Variants in NR6A1 observed in about 807,000 individuals in gnomAD.
NR6A1 encodes nuclear receptor subfamily 6 group A member 1, also known as retinoic acid receptor-related testis-associated receptor.
A neutral mutation model predicts 59.1 loss-of-function variants in NR6A1; 7 were observed. The ratio of observed to expected loss-of-function variants is 0.12; its 90% confidence interval spans 0.07 to 0.22. The LOEUF (loss-of-function observed/expected upper bound fraction) is 0.22, where lower values mean the gene tolerates loss of function less well. NR6A1 is among the 10% of genes least tolerant of loss of function. The pLI, the probability that NR6A1 is intolerant of heterozygous loss-of-function variation, is 1.00. For missense variants in NR6A1, 468 were observed against 611.6 expected (o/e 0.77, Z 2.48); for synonymous variants, 243 against 236.1 (o/e 1.03, Z -0.27).
chr9:124,523,763 G>GA (rs974445748), intron 9 of NR6A1, among the ~76,000 whole-genome samples: 17 of 150,468 alleles, frequency 1.1e-4, no homozygotes, highest in African/African-American at 2.7e-4. Flanking sequence ...CCAAGAAATA[G>GA]AAAAAAAAAT....
intron 2 of NR6A1, among the ~76,000 whole-genome samples, chr9:124,649,892 A>G (rs1837048108): frequency 6.6e-6 from 1 of 152,196 alleles, no homozygotes; most frequent in Non-Finnish European, 1.5e-5. Context: ...AATCAAAACT[A>G]CAAGATATTA....
chr9:124,539,946 C>T, intron 5 of NR6A1, 87 bp downstream of exon 5: 1 of 1,434,078 alleles, frequency 7.0e-7, no homozygotes, highest in Admixed American at 2.1e-5. Flanking sequence ...GACAGCCTGG[C>T]AGGGATACTC....
At chr9:124,756,360 T>G (rs977369645) in intron 1 of NR6A1, among the ~76,000 whole-genome samples, 14 of 152,366 alleles carry the variant, frequency 9.2e-5, no homozygotes, top group African/African-American at 3.4e-4. Context: ...AATTACAAGT[T>G]TCTGATCACC....
chr9:124,694,762 G>A (rs1006789977), intron 2 of NR6A1, among the ~76,000 whole-genome samples: 2 of 152,160 alleles, frequency 1.3e-5, no homozygotes, highest in Non-Finnish European at 2.9e-5. Context: ...GAAGAGTCTT[G>A]TCAAATTAGC....
intron 2 of NR6A1, among the ~76,000 whole-genome samples, chr9:124,635,022 T>C (rs1030465443): frequency 2.6e-5 from 4 of 152,210 alleles, no homozygotes; most frequent in Admixed American, 2.6e-4. Flanking sequence ...AGTCCGTAAC[T>C]TACAATAGGG....
intron 3 of NR6A1, among the ~76,000 whole-genome samples, chr9:124,546,691 C>T (rs1833612406): frequency 6.6e-6 from 1 of 152,072 alleles, no homozygotes; most frequent in African/African-American, 2.4e-5. Flanking sequence ...ACAGCAGTAC[C>T]CATTTAGAGA....
At chr9:124,535,822 C>T in intron 7 of NR6A1, 56 bp downstream of exon 7, 2 of 1,599,406 alleles carry the variant, frequency 1.3e-6, no homozygotes, top group South Asian at 1.1e-5. Context: ...CTCTGCCTTA[C>T]AGGGATGACA....
chr9:124,719,575 A>T (rs2131092224), intron 2 of NR6A1, among the ~76,000 whole-genome samples: 1 of 152,272 alleles, frequency 6.6e-6, no homozygotes, highest in African/African-American at 2.4e-5. Flanking sequence ...GTAAATGGGT[A>T]AAGGAGGCCA....
intron 2 of NR6A1, chr9:124,598,649 A>T (rs1299332543): frequency 2.5e-5 from 6 of 237,458 alleles, no homozygotes; most frequent in South Asian, 1.3e-4. Flanking sequence ...AGTAAAATTA[A>T]AAAAAAAAAA....
intron 1 of NR6A1, among the ~76,000 whole-genome samples, chr9:124,759,621 T>C (rs1177085173): frequency 6.6e-6 from 1 of 152,222 alleles, no homozygotes; most frequent in African/African-American, 2.4e-5. Flanking sequence ...GTGCTTAGGA[T>C]ACAGATAAAA....
intron 2 of NR6A1, among the ~76,000 whole-genome samples, chr9:124,589,944 A>G (rs1835060637): frequency 1.3e-5 from 2 of 151,770 alleles, no homozygotes; most frequent in South Asian, 4.2e-4. Flanking sequence ...GCATGCTTGC[A>G]GTCCCAGCTA....
At chr9:124,601,867 T>C (rs957367983) in intron 2 of NR6A1, among the ~76,000 whole-genome samples, 1 of 150,286 alleles carries the variant, frequency 6.7e-6, no homozygotes, top group Non-Finnish European at 1.5e-5. Context: ...GGTGGGAGGG[T>C]TGCTTGAGCC....
chr9:124,672,776 T>A (rs1837834519), intron 2 of NR6A1, among the ~76,000 whole-genome samples: 1 of 152,126 alleles, frequency 6.6e-6, no homozygotes, highest in South Asian at 2.1e-4. Flanking sequence ...CAGTGGTATA[T>A]CCTTTTTTAA....
At chr9:124,635,330 G>T (rs1159384692) in intron 2 of NR6A1, among the ~76,000 whole-genome samples, 1 of 152,114 alleles carries the variant, frequency 6.6e-6, no homozygotes, top group Non-Finnish European at 1.5e-5. Context: ...AAGTGTCAAG[G>T]GCGGGACCAG....
At chr9:124,547,557 C>T (rs888150678) in intron 3 of NR6A1, among the ~76,000 whole-genome samples, 1 of 152,160 alleles carries the variant, frequency 6.6e-6, no homozygotes, top group African/African-American at 2.4e-5. Context: ...CATCACCTTC[C>T]CTAAGTGACA....
chr9:124,554,276 A>G (rs1004168782), intron 3 of NR6A1, 52 bp downstream of exon 3: 1 of 1,612,024 alleles, frequency 6.2e-7, no homozygotes, highest in African/African-American at 1.3e-5. Flanking sequence ...CTGACACTAA[A>G]GGTAAAGTTT....
intron 2 of NR6A1, among the ~76,000 whole-genome samples, chr9:124,628,756 T>C (rs1370685454): frequency 6.6e-6 from 1 of 152,134 alleles, no homozygotes; most frequent in Non-Finnish European, 1.5e-5. Context: ...TTCTCCTGCC[T>C]CAGTCTCCTG....
chr9:124,752,108 A>C (rs966613846), intron 1 of NR6A1, among the ~76,000 whole-genome samples: 1 of 152,168 alleles, frequency 6.6e-6, no homozygotes, highest in Admixed American at 6.5e-5. Context: ...GTCTCTACTA[A>C]AAATACAAAA....
chr9:124,610,731 C>T (rs566142353), intron 2 of NR6A1, among the ~76,000 whole-genome samples: 4 of 152,146 alleles, frequency 2.6e-5, no homozygotes, highest in East Asian at 1.9e-4. Flanking sequence ...GTCTGGTCCT[C>T]GGCTTTTTTT....
Sources: gnomAD v4.1 joint callset for allele counts (sites outside exome capture counted in the v4.1 genomes callset) on GRCh38, gnomAD v4.1.1 for gene constraint, MANE v1.5 for transcripts, NCBI Gene and HGNC (gene_info 2026-07-23, HGNC 2026-07-21) for gene names.